JAK2: variants seen among roughly 807,000 people sequenced by gnomAD.
JAK2 encodes tyrosine-protein kinase JAK2.
Under a neutral mutation model 139.3 loss-of-function variants are expected in JAK2, and 86 were observed. The observed-to-expected ratio is 0.62, with a 90% CI of 0.52 to 0.74. JAK2 has a LOEUF of 0.74. Among genes scored for constraint, JAK2 ranks in the 30% least tolerant of loss-of-function variants. The pLI is 0.00. For missense variants in JAK2, 1,421 were observed against 1,360.3 expected (o/e 1.04, Z -0.70); for synonymous variants, 490 against 437.7 (o/e 1.12, Z -1.49).
At chr9:5,029,209 G>C (rs1238841552) in intron 3 of JAK2, among the ~76,000 whole-genome samples, 1 of 152,068 alleles carries the variant, frequency 6.6e-6, no homozygotes, top group African/African-American at 2.4e-5. Context: ...CCATATTGTT[G>C]TGTCTCAGGG....
At chr9:5,066,604 T>G (rs984108048) in intron 9 of JAK2, 74 bp from the exon 10 acceptor site, 2 of 821,198 alleles carry the variant, frequency 2.4e-6, no homozygotes, top group Non-Finnish European at 4.2e-6. Flanking sequence ...GACTTTTGAT[T>G]GTTTTAGATG....
At chr9:5,038,398 G>T (rs1411939372) in intron 4 of JAK2, among the ~76,000 whole-genome samples, 1 of 152,066 alleles carries the variant, frequency 6.6e-6, no homozygotes, top group African/African-American at 2.4e-5. Context: ...AGAAAAGGAA[G>T]GAGGATTTCT....
chr9:5,103,653 T>C lies in JAK2; in HGVS notation c.3059+12742T>C, dbSNP rs185402648. ...GCACGACATCACACTTATTCCAAAA[T>C]AGACCACATAGAAGTAAAGCACTTC... is the stretch of plus-strand genomic sequence containing the variant. On this transcript the variant is annotated intron_variant, in intron 22 of 24. Coordinates refer to ENST00000381652, the MANE Select transcript of JAK2 (RefSeq NM_004972.4). Among the ~76,000 whole-genome samples the C allele has an allele frequency of 8.6e-4, 131 of 152,274 alleles. 1 individual carries two copies. In the South Asian group the frequency reaches 0.017, roughly 19 times the overall value.
rs779963183 is a variant in JAK2 at position 5,080,577 on chromosome 9, G to A, written c.2328G>A (p.Lys776=). ...ATAGGCATCAGCTTCCTGCACCAAA[G>A]TGGGCAGAATTAGCAAACCTTATAA... ...YEDRHQLPAP[K]WAELANLINN... is the part of the protein sequence containing the mutation. Residue 776 remains lysine (K), a synonymous_variant, in exon 18 of 25, where the codon AAG becomes AAA. Transcript: ENST00000381652. The A allele has an allele frequency of 3.7e-6, 6 of 1,601,904 alleles. No individual in the cohort carries two copies. The Admixed American group carries it at 1.1e-4, about 28-fold the overall frequency.
At chr9:5,042,953 C>A (rs974556134) in intron 4 of JAK2, among the ~76,000 whole-genome samples, 2 of 152,228 alleles carry the variant, frequency 1.3e-5, no homozygotes, top group Non-Finnish European at 2.9e-5. Flanking sequence ...GGCACCTGTT[C>A]CCCGAGGCTG....
intron 8 of JAK2, among the ~76,000 whole-genome samples, chr9:5,060,900 A>G (rs989794141): frequency 2.6e-5 from 4 of 152,234 alleles, no homozygotes; most frequent in African/African-American, 9.6e-5. Flanking sequence ...GAAAGTTGAA[A>G]TTACTCCTTG....
intron 2 of JAK2, among the ~76,000 whole-genome samples, chr9:5,021,186 C>G (rs1822404641): frequency 6.6e-6 from 1 of 152,166 alleles, no homozygotes; most frequent in Non-Finnish European, 1.5e-5. Context: ...CCTCTCCTTC[C>G]TTGCATTAGG....
At chr9:4,985,754 C>T (rs1819914007) in intron 1 of JAK2, 124 bp downstream of exon 1, 2 of 152,470 alleles carry the variant, frequency 1.3e-5, no homozygotes, top group South Asian at 2.1e-4. Context: ...GAAAAATCTT[C>T]CTCTTTAAGA....
intron 22 of JAK2, among the ~76,000 whole-genome samples, chr9:5,107,735 G>A (rs1822084373): frequency 6.6e-6 from 1 of 152,032 alleles, no homozygotes; most frequent in Non-Finnish European, 1.5e-5. Flanking sequence ...TATGTGCCTA[G>A]AAGGCATAAT....
intron 4 of JAK2, among the ~76,000 whole-genome samples, chr9:5,031,824 G>T (rs1260875509): frequency 6.6e-6 from 1 of 152,228 alleles, no homozygotes; most frequent in Non-Finnish European, 1.5e-5. Flanking sequence ...ACAGCTCCCA[G>T]CATGGGCGAT....
At chr9:5,025,646 C>T (rs1822736033) in intron 3 of JAK2, among the ~76,000 whole-genome samples, 1 of 151,160 alleles carries the variant, frequency 6.6e-6, no homozygotes, top group Non-Finnish European at 1.5e-5. Flanking sequence ...TGATTCATTT[C>T]CCTCAGCCTC....
intron 4 of JAK2, among the ~76,000 whole-genome samples, chr9:5,036,054 TG>T: frequency 6.6e-6 from 1 of 152,190 alleles, no homozygotes; most frequent in Admixed American, 6.5e-5. Flanking sequence ...AAAATCAATG[TG>T]CAAAAATCAC....
intron 4 of JAK2, among the ~76,000 whole-genome samples, chr9:5,040,526 G>T (rs957423881): frequency 6.6e-6 from 1 of 152,176 alleles, no homozygotes; most frequent in Non-Finnish European, 1.5e-5. Flanking sequence ...ACCCACAAAT[G>T]GGTTCCACAA....
intron 2 of JAK2, among the ~76,000 whole-genome samples, chr9:5,010,853 A>G (rs1821656372): frequency 6.6e-6 from 1 of 152,096 alleles, no homozygotes; most frequent in Non-Finnish European, 1.5e-5. Flanking sequence ...AATTTTGAAA[A>G]TTCTTATTTT....
chr9:5,040,893 A>G, intron 4 of JAK2: 1 of 299,036 alleles, frequency 3.3e-6, no homozygotes, highest in Non-Finnish European at 6.4e-6. Flanking sequence ...GCGCTGCTGA[A>G]GCCTGGCCGG....
intron 2 of JAK2, among the ~76,000 whole-genome samples, chr9:5,004,844 C>G (rs765286572): frequency 6.6e-6 from 1 of 151,442 alleles, no homozygotes; most frequent in Non-Finnish European, 1.5e-5. Flanking sequence ...GAGGTGAGAT[C>G]TCACTATGGT....
At position 5,049,096 on chromosome 9, in the gene JAK2, T is replaced by C. The variant is rs564516081; in HGVS notation, c.469-1590T>C. On this transcript the variant is annotated intron_variant, in intron 5 of 24. Coordinates refer to ENST00000381652, the MANE Select transcript of JAK2 (RefSeq NM_004972.4). ...ATATAGTTAATAAAGTTATCAGCCT[T>C]TTTTCAGAATCTTTTAGTATCTTCT... 4.6e-5 allele frequency among the ~76,000 whole-genome samples: 7 copies of C among 152,348 alleles called. 2 individuals carry two copies. In the South Asian group the frequency reaches 1.4e-3, roughly 32 times the overall value.
chr9:5,078,969 T>C lies in JAK2; in HGVS notation c.2131+525T>C, dbSNP rs566219142. Among the ~76,000 whole-genome samples the C allele has an allele frequency of 7.9e-5, 12 of 152,350 alleles. No individual in the cohort carries two copies. The East Asian group carries it at 1.9e-3, about 24-fold the overall frequency. On this transcript the variant is annotated intron_variant, in intron 16 of 24. Coordinates refer to ENST00000381652, the MANE Select transcript of JAK2 (RefSeq NM_004972.4). ...CAGTCAGATAGTTGAGAGGGGTTTT[T>C]TGGGTCTAGATAATTATAACTGAAT... is the stretch of plus-strand genomic sequence containing the variant.
intron 11 of JAK2, 109 bp downstream of exon 11, chr9:5,069,317 A>G: frequency 1.5e-6 from 1 of 685,548 alleles, no homozygotes; most frequent in East Asian, 2.8e-5. Flanking sequence ...AAGCAGCTCT[A>G]AAAGTTAATT....
Sources: allele counts gnomAD v4.1 joint callset (sites outside exome capture counted in the v4.1 genomes callset), GRCh38; gene constraint gnomAD v4.1.1; transcripts MANE v1.5; gene names NCBI Gene and HGNC (gene_info 2026-07-23, HGNC 2026-07-21).